GLE1: variants seen among roughly 807,000 people sequenced by gnomAD.
GLE1 encodes the protein mRNA export factor GLE1.
In GLE1, 78 loss-of-function variants were observed where a neutral mutation model predicts 97.3. That is an observed-to-expected ratio of 0.80 (90% confidence interval 0.67 to 0.97). The LOEUF is 0.97. Ranked by LOEUF, GLE1 falls within the 50% of genes least tolerant of loss-of-function variation. The pLI is 0.00. For missense variants in GLE1, 753 were observed against 857.5 expected, an observed-to-expected ratio of 0.88 and a Z score of 1.52; for synonymous variants, 302 against 313.4, an observed-to-expected ratio of 0.96 and a Z score of 0.39.
At chr9:128,535,649 T>C (rs1355265845) in intron 11 of GLE1, among the ~76,000 whole-genome samples, 2 of 151,940 alleles carry the variant, frequency 1.3e-5, no homozygotes, top group East Asian at 3.9e-4. Flanking sequence ...GGTGAAACCC[T>C]GTCTCTACTA....
intron 12 of GLE1, among the ~76,000 whole-genome samples, chr9:128,537,308 C>T (rs1009689998): frequency 6.6e-6 from 1 of 151,506 alleles, no homozygotes; most frequent in African/African-American, 2.4e-5. Context: ...CAAAAATTAG[C>T]TGGGCATGGT....
intron 2 of GLE1, among the ~76,000 whole-genome samples, chr9:128,511,087 C>T (rs1035372404): frequency 6.6e-6 from 1 of 150,990 alleles, no homozygotes; most frequent in Non-Finnish European, 1.5e-5. Flanking sequence ...GCCTGTAATC[C>T]CATCTACTTG....
chr9:128,508,462 C>CT (rs1846707509), intron 1 of GLE1, among the ~76,000 whole-genome samples: 1 of 152,124 alleles, frequency 6.6e-6, no homozygotes, highest in Non-Finnish European at 1.5e-5. Flanking sequence ...TGTAAGGATG[C>CT]TTTACGATAC....
rs899115423 is a variant in GLE1, at chr9:128,541,581, AAG to A, written c.*414_*415del. The A allele has an allele frequency of 4.8e-6, 1 of 208,608 alleles. No homozygotes were observed. The highest frequency in any genetic ancestry group is 9.8e-6 in the Non-Finnish European group (1 of 102,120). 12.9% of individuals were successfully genotyped at this position (208,608 alleles called of 1,614,324 possible). ...ACCCCTGTTCAGATGAATTTCCAGA[AAG>A]AGCTAAGGCTCATAAGGTTCCCTTT... On this transcript the variant is annotated 3_prime_UTR_variant, in exon 16 of 16. Coordinates refer to ENST00000309971, the MANE Select transcript of GLE1 (RefSeq NM_001003722.2).
Position 128,525,211 on chromosome 9 carries a change from A to T in GLE1, c.917A>T (p.Glu306Val). The T allele has an allele frequency of 6.2e-7, 1 of 1,613,890 alleles. No homozygotes were observed. The highest frequency in any genetic ancestry group is 8.5e-7 in the Non-Finnish European group (1 of 1,179,768). The stretch of plus-strand genomic sequence containing the variant: ...TGACAGAGCAGCTATCCCACAGCAG[A>T]GAGTCAAGCTGAGGCTGAGCGAGCT... ...ASSESSYPTA[E>V]SQAEAERALR... The change falls in exon 7 of 16, where the codon GAG becomes GTG. Residue 306 changes from glutamate (E) to valine (V), a missense_variant. Glu to Val is a moderately radical substitution (Grantham distance 121, BLOSUM62 -2). Transcript: ENST00000309971.
intron 15 of GLE1, chr9:128,540,717 C>G: frequency 2.8e-6 from 1 of 358,732 alleles, no homozygotes; most frequent in Admixed American, 4.4e-5. Context: ...TTGGACTCTT[C>G]CCCTACTTCC....
rs557099738 is a variant in GLE1 at position 128,539,597 on chromosome 9, T to C, written c.1882-19T>C. ...GAATTTTCATTTTCTGCTCTGACAG[T>C]GCCTGTCTTTCCCTCTAGGTGTGTG... is the stretch of plus-strand genomic sequence containing the variant. On this transcript the variant is annotated intron_variant, in intron 13 of 15. Transcript: ENST00000309971. 1 of 1,606,012 alleles carries C rather than the reference T, an allele frequency of 6.2e-7. No individual in the cohort carries two copies. The highest frequency in any genetic ancestry group is 8.5e-7 in the Non-Finnish European group (1 of 1,172,666).
intron 11 of GLE1, among the ~76,000 whole-genome samples, 157 bp from the exon 12 acceptor site, chr9:128,536,198 T>C (rs1188187799): frequency 6.6e-6 from 1 of 152,038 alleles, no homozygotes; most frequent in Non-Finnish European, 1.5e-5. Context: ...CATACCCAGT[T>C]AATTTTTGTA....
chr9:128,510,905 T>A (rs1233554731), intron 2 of GLE1, among the ~76,000 whole-genome samples: 2 of 150,996 alleles, frequency 1.3e-5, no homozygotes, highest in Non-Finnish European at 2.9e-5. Context: ...AAAATATTAG[T>A]CTTTAAAAAA....
Position 128,541,457 on chromosome 9 carries a change from C to T in GLE1, c.*287C>T. On this transcript the variant is annotated 3_prime_UTR_variant, in exon 16 of 16. Coordinates refer to ENST00000309971, the MANE Select transcript of GLE1 (RefSeq NM_001003722.2). Reference sequence around the variant, plus strand: ...TAAAAGGTCTTTAGCACTTGGTCTCCTCCCTTGTCTCTAGTGTCTTTCAGA... The same window carrying T: ...TAAAAGGTCTTTAGCACTTGGTCTCTTCCCTTGTCTCTAGTGTCTTTCAGA... 2.3e-6 allele frequency: 1 copy of T among 441,838 alleles called. No individual in the cohort carries two copies. Among genetic ancestry groups the T allele is most frequent in the African/African-American group, 2.0e-5 (1 of 50,208 alleles). 27.4% of individuals were successfully genotyped at this position (441,838 alleles called of 1,614,324 possible).
chr9:128,538,656 T>C (rs1847796474), intron 13 of GLE1, among the ~76,000 whole-genome samples: 1 of 152,084 alleles, frequency 6.6e-6, no homozygotes, highest in South Asian at 2.1e-4. Flanking sequence ...ATCAGCCGGG[T>C]GTGATGGTGC....
intron 11 of GLE1, among the ~76,000 whole-genome samples, chr9:128,534,579 G>T (rs1298063005): frequency 2.0e-5 from 3 of 151,940 alleles, no homozygotes; most frequent in Non-Finnish European, 4.4e-5. Flanking sequence ...TTTTAAATGA[G>T]GGTAATGACA....
At chr9:128,505,167 C>A (rs1024479091) in intron 1 of GLE1, among the ~76,000 whole-genome samples, 2 of 152,234 alleles carry the variant, frequency 1.3e-5, no homozygotes, top group Non-Finnish European at 2.9e-5. Context: ...TGGGCGCCTT[C>A]TCCGTTCTGC....
intron 9 of GLE1, among the ~76,000 whole-genome samples, chr9:128,529,567 C>T (rs940014403): frequency 6.6e-6 from 1 of 152,110 alleles, no homozygotes; most frequent in African/African-American, 2.4e-5. Context: ...TAAGTGTTTG[C>T]TGATCTTCCT....
At chr9:128,512,560 A>C (rs1846855630) in intron 2 of GLE1, among the ~76,000 whole-genome samples, 1 of 152,106 alleles carries the variant, frequency 6.6e-6, no homozygotes, top group Non-Finnish European at 1.5e-5. Context: ...TTGGCAACAG[A>C]TTCTGATCTG....
chr9:128,505,748 G>T (rs995948702), intron 1 of GLE1, among the ~76,000 whole-genome samples: 6 of 152,174 alleles, frequency 3.9e-5, no homozygotes, highest in Non-Finnish European at 8.8e-5. Context: ...TGGTCTCTCC[G>T]TTTAAAATTC....
intron 11 of GLE1, 56 bp downstream of exon 11, chr9:128,534,007 T>C (rs994544551): frequency 8.7e-7 from 1 of 1,149,878 alleles, no homozygotes; most frequent in Non-Finnish European, 1.3e-6. Flanking sequence ...GAAATATAAA[T>C]AGAATTGGAA....
chr9:128,519,557 A>G (rs1847081004), intron 3 of GLE1, among the ~76,000 whole-genome samples: 1 of 152,150 alleles, frequency 6.6e-6, no homozygotes, highest in Non-Finnish European at 1.5e-5. Context: ...TTTTGGTCAG[A>G]CCGGTTGCTC....
chr9:128,508,661 T>C (rs1387960354), intron 1 of GLE1, among the ~76,000 whole-genome samples: 3 of 152,200 alleles, frequency 2.0e-5, no homozygotes, highest in African/African-American at 7.2e-5. Flanking sequence ...TTTCTGTAGT[T>C]AGGGTTATTT....
Sources: allele counts gnomAD v4.1 joint callset (sites outside exome capture counted in the v4.1 genomes callset), GRCh38; gene constraint gnomAD v4.1.1; transcripts MANE v1.5; gene names NCBI Gene and HGNC (gene_info 2026-07-23, HGNC 2026-07-21).